Variants in CCDC39 observed in about 807,000 individuals in gnomAD.
CCDC39 encodes coiled-coil domain 39 molecular ruler complex subunit.
Under a neutral mutation model 121.0 loss-of-function variants are expected in CCDC39, and 113 were observed. That is an observed-to-expected ratio of 0.93 (90% CI 0.80 to 1.09). CCDC39 has a LOEUF of 1.09. Ranked by LOEUF, CCDC39 falls within the 50% of genes least tolerant of loss-of-function variation. CCDC39 has a pLI of 0.00. For synonymous variants in CCDC39, 349 were observed against 352.2 expected (o/e 0.99, Z 0.10); for missense variants, 1,063 against 1,074.7 (o/e 0.99, Z 0.15).
intron 6 of CCDC39, 45 bp from the exon 7 acceptor site, chr3:180,654,998 G>A (rs1711549836): frequency 8.2e-7 from 1 of 1,226,564 alleles, no homozygotes. Flanking sequence ...TGTTTAAACT[G>A]AGAAAACTAA....
Position 180,648,246 on chromosome 3 carries a change from A to G in CCDC39, c.1281T>C (p.Arg427=). The change falls in exon 10 of 20, where the codon CGT becomes CGC. Residue 427 remains arginine, a synonymous_variant. Transcript: ENST00000476379. ...GATGGTTGAGATGTTTCAGAGAGGA[A>G]CGAGTTCCTTCAATTTCTGATAAAA... is the stretch of plus-strand genomic sequence containing the variant. ...KAVLSEIEGT[R]SSLKHLNHQL... The G allele has an allele frequency of 6.2e-7, 1 of 1,613,526 alleles. No homozygotes were observed. Among genetic ancestry groups the G allele is most frequent in the Non-Finnish European group, 8.5e-7 (1 of 1,179,630 alleles).
intron 1 of CCDC39, among the ~76,000 whole-genome samples, chr3:180,673,634 C>A (rs1246395508): frequency 6.6e-6 from 1 of 152,130 alleles, no homozygotes; most frequent in Non-Finnish European, 1.5e-5. Context: ...TTGCAGTGGT[C>A]TGGAACTGAA....
intron 14 of CCDC39, among the ~76,000 whole-genome samples, chr3:180,627,584 G>A (rs564129472): frequency 6.6e-6 from 1 of 152,304 alleles, no homozygotes; most frequent in South Asian, 2.1e-4. Context: ...TAATTGGACA[G>A]TGTCATTAAA....
rs530045122 is a variant in CCDC39, at chr3:180,676,563, A to G, written c.90+2728T>C. Among the ~76,000 whole-genome samples, 111 of 152,362 alleles carry G rather than the reference A, an allele frequency of 7.3e-4. 1 individual carries two copies. Among genetic ancestry groups the G allele is most frequent in the Middle Eastern group, 3.4e-3 (1 of 294 alleles). ...GTTGGTGGGACTGTAAACTAGTTCA[A>G]CCATTGTGGAAGACAGTGTGGCGAT... On this transcript the variant is annotated intron_variant, in intron 1 of 19. Coordinates refer to ENST00000476379, the MANE Select transcript of CCDC39 (RefSeq NM_181426.2).
intron 19 of CCDC39, among the ~76,000 whole-genome samples, chr3:180,616,010 T>A (rs1717219290): frequency 6.6e-6 from 1 of 152,224 alleles, no homozygotes; most frequent in Admixed American, 6.5e-5. Context: ...TTATTTCTGT[T>A]TTATCCTACT....
chr3:180,677,209 T>TATATAA (rs1712258599), intron 1 of CCDC39, among the ~76,000 whole-genome samples: 1 of 105,666 alleles, frequency 9.5e-6, no homozygotes, highest in South Asian at 2.9e-4. Flanking sequence ...TATATATATA[T>TATATAA]ATATATAAAA....
Position 180,644,253 on chromosome 3 carries a change from T to C in CCDC39, c.1532A>G (p.Asp511Gly). ...ATGTGCCTTCTTGATAAAATAAAGA[T>C]CATTCTGCAAAAAAGAAAAAAGGTA... The part of the protein sequence containing the change: ...LETQIKKLHN[D>G]LYFIKKAHSK... Residue 511 changes from aspartate to glycine, a missense_variant, in exon 12 of 20, where the codon GAT becomes GGT. By Grantham distance (94) the Asp-to-Gly change is moderately conservative (BLOSUM62 -1). Transcript: ENST00000476379. The C allele has an allele frequency of 2.0e-6, 3 of 1,513,314 alleles. No individual in the cohort carries two copies. The highest frequency in any genetic ancestry group is 2.7e-6 in the Non-Finnish European group (3 of 1,131,120). The allele number at this position is 1,513,314 out of a possible 1,614,324, so 93.7% of individuals were successfully genotyped here.
intron 9 of CCDC39, among the ~76,000 whole-genome samples, chr3:180,650,086 T>G (rs1718162887): frequency 6.6e-6 from 1 of 152,116 alleles, no homozygotes; most frequent in Non-Finnish European, 1.5e-5. Context: ...CAACTACCCC[T>G]TTTTCAACCC....
intron 16 of CCDC39, chr3:180,617,789 TA>T (rs1717303592): frequency 2.1e-5 from 6 of 287,788 alleles, no homozygotes; most frequent in Non-Finnish European, 3.8e-5. Context: ...AAGGTCAATT[TA>T]TTATTGGAGA....
chr3:180,617,996 A>G (rs1717311666), intron 16 of CCDC39, among the ~76,000 whole-genome samples: 1 of 152,064 alleles, frequency 6.6e-6, no homozygotes, highest in Admixed American at 6.6e-5. Flanking sequence ...TTAATCCATT[A>G]TACCATATTT....
chr3:180,627,510 C>T (rs1717592038), intron 14 of CCDC39, among the ~76,000 whole-genome samples: 1 of 152,088 alleles, frequency 6.6e-6, no homozygotes, highest in African/African-American at 2.4e-5. Context: ...AATTCTGATT[C>T]CATTCGCTTC....
intron 16 of CCDC39, among the ~76,000 whole-genome samples, chr3:180,618,623 G>C (rs1717337247): frequency 2.0e-5 from 3 of 151,960 alleles, no homozygotes; most frequent in South Asian, 4.1e-4. Context: ...TGTTCTCACT[G>C]TTCAATTCCC....
chr3:180,660,690 C>T lies in CCDC39; in HGVS notation c.396G>A (p.Leu132=), dbSNP rs201923286. The T allele has an allele frequency of 7.8e-5, 125 of 1,602,524 alleles. No individual in the cohort carries two copies. Among genetic ancestry groups the T allele is most frequent in the Admixed American group, 5.6e-4 (33 of 58,588 alleles). ...GCTGGTCCCAGTTCATTTGACATTTCAAACCATCCAATTTTTGAGTGGCTT... is the reference window on the plus strand; with the variant it reads ...GCTGGTCCCAGTTCATTTGACATTTTAAACCATCCAATTTTTGAGTGGCTT... The part of the protein sequence containing the change: ...IFKATQKLDG[L]KCQMNWDQQA... The change falls in exon 4 of 20, where the codon TTG becomes TTA. Residue 132 remains leucine (L), a synonymous_variant. Transcript: ENST00000476379.
chr3:180,644,119 C>T lies in CCDC39; in HGVS notation c.1665+1G>A, dbSNP rs753580394. ...TACATATGCATACAATTTTACTGCA[C>T]CTGCTTAAAACCTTTGGCTTTATCA... is the stretch of plus-strand genomic sequence containing the variant. On this transcript the variant is annotated splice_donor_variant, in intron 12 of 19. Transcript: ENST00000476379. LOFTEE classifies it high-confidence loss of function. 22 of 1,537,846 alleles carry T rather than the reference C, an allele frequency of 1.4e-5. No homozygotes were observed. The highest frequency in any genetic ancestry group is 1.9e-5 in the Non-Finnish European group (22 of 1,142,112).
chr3:180,669,499 T>A (rs1341695687), intron 1 of CCDC39, among the ~76,000 whole-genome samples: 1 of 152,128 alleles, frequency 6.6e-6, no homozygotes, highest in African/African-American at 2.4e-5. Flanking sequence ...TTTTATGTAA[T>A]TAATTCTTAA....
Position 180,616,257 on chromosome 3 carries a change from AT to A in CCDC39, c.2669+23del, listed in dbSNP as rs573087987. On this transcript the variant is annotated intron_variant, in intron 19 of 19. Coordinates refer to ENST00000476379, the MANE Select transcript of CCDC39 (RefSeq NM_181426.2). ...GTGTACAGCTGTGAGAGTTAAGCAGATTTTTTTTTAACCCTCCGCTTACCTT... is the reference window on the plus strand; with the variant it reads ...GTGTACAGCTGTGAGAGTTAAGCAGATTTTTTTTAACCCTCCGCTTACCTT... 7.8e-4 allele frequency: 1,220 copies of A among 1,568,958 alleles called. 2 individuals are homozygous for A. Among genetic ancestry groups the A allele is most frequent in the African/African-American group, 2.9e-3 (217 of 73,684 alleles).
At chr3:180,630,360 T>A (rs912679423) in intron 14 of CCDC39, among the ~76,000 whole-genome samples, 2 of 152,070 alleles carry the variant, frequency 1.3e-5, no homozygotes, top group African/African-American at 4.8e-5. Context: ...TGGGACTGAT[T>A]TCTCATAGGG....
At chr3:180,669,715 C>T (rs1324230532) in intron 1 of CCDC39, among the ~76,000 whole-genome samples, 2 of 152,098 alleles carry the variant, frequency 1.3e-5, no homozygotes, top group African/African-American at 4.8e-5. Context: ...TGAAATAAGT[C>T]TCATAGGGAA....
At chr3:180,664,830 G>T (rs755520100) in intron 1 of CCDC39, among the ~76,000 whole-genome samples, 33 of 150,386 alleles carry the variant, frequency 2.2e-4, no homozygotes, top group Non-Finnish European at 3.8e-4. Context: ...CTGAGTAGCT[G>T]GGATTACAGG....
Sources: allele counts gnomAD v4.1 joint callset (sites outside exome capture counted in the v4.1 genomes callset), GRCh38; gene constraint gnomAD v4.1.1; transcripts MANE v1.5; gene names NCBI Gene and HGNC (gene_info 2026-07-23, HGNC 2026-07-21).